The following CTNNA2 variants were observed in gnomAD, a reference collection of about 807,000 sequenced individuals.
CTNNA2 encodes the protein catenin alpha-2.
Under a neutral mutation model 101.0 loss-of-function variants are expected in CTNNA2, and 42 were observed. The ratio of observed to expected loss-of-function variants is 0.42; its 90% CI spans 0.32 to 0.54. CTNNA2 has a LOEUF of 0.54. CTNNA2 is among the 20% of genes least tolerant of loss of function. CTNNA2 has a pLI of 0.14. For missense variants in CTNNA2, 871 were observed against 1,223.1 expected, an observed-to-expected ratio of 0.71 and a Z score of 4.29; for synonymous variants, 450 against 456.4, an observed-to-expected ratio of 0.99 and a Z score of 0.18.
At chr2:79,771,858 G>C (rs537469548) in intron 3 of CTNNA2, among the ~76,000 whole-genome samples, 4 of 152,092 alleles carry the variant, frequency 2.6e-5, no homozygotes, top group African/African-American at 9.7e-5. Flanking sequence ...TTCTCATTGC[G>C]ACTGTTTTGT....
chr2:79,384,025 T>C (rs1047284409), intron 4 of CTNNA2, among the ~76,000 whole-genome samples: 103 of 152,222 alleles, frequency 6.8e-4, no homozygotes, highest in African/African-American at 2.4e-3. Context: ...CGTAGAGAAA[T>C]TGGATGGTGC....
intron 3 of CTNNA2, among the ~76,000 whole-genome samples, chr2:79,328,448 A>G (rs767899709): frequency 9.9e-5 from 15 of 152,220 alleles, no homozygotes; most frequent in Non-Finnish European, 1.3e-4. Flanking sequence ...GTCTGGCTAG[A>G]CATATGAATT....
rs574716244 is a variant in CTNNA2, at chr2:79,813,687, G to A, written c.299-44326G>A. ...TCGGGTTATAATTTAAATCACAGGA[G>A]CAAATAGGACCCTCAGAAGAGAGTT... is the stretch of plus-strand genomic sequence containing the variant. On this transcript the variant is annotated intron_variant, in intron 3 of 18. Transcript: ENST00000402739. Among the ~76,000 whole-genome samples, 10 of 152,230 alleles carry A rather than the reference G, an allele frequency of 6.6e-5. No homozygotes were observed. In the East Asian group the frequency reaches 1.9e-3, roughly 29 times the overall value.
chr2:79,715,205 CAAAAAAAAAAA>C (rs140432724), intron 2 of CTNNA2, among the ~76,000 whole-genome samples: 3 of 66,336 alleles, frequency 4.5e-5, no homozygotes, highest in East Asian at 4.2e-4. Context: ...AAAATTCCGT[CAAAAAAAAAAA>C]AAAAAAAAAA....
chr2:80,303,463 C>T lies in CTNNA2; in HGVS notation c.1057-89748C>T. On this transcript the variant is annotated intron_variant, in intron 7 of 18. Transcript: ENST00000402739. This position sits in a 1 kb window ranked among gnomAD's most constrained non-coding sequence, Gnocchi z 7.7. ...GTTGGGTGATCTGGTTGGAACTCAG[C>T]GTGAGTTCCTTAACTCGGCGCAGTT... 2 of 1,614,226 alleles carry T rather than the reference C, an allele frequency of 1.2e-6. No individual in the cohort carries two copies. Among genetic ancestry groups the T allele is most frequent in the Non-Finnish European group, 1.7e-6 (2 of 1,180,052 alleles).
chr2:80,092,903 A>T lies in CTNNA2; in HGVS notation c.1056+183106A>T, dbSNP rs545002718. Among the ~76,000 whole-genome samples, 185 of 152,276 alleles carry T rather than the reference A, an allele frequency of 1.2e-3. 1 individual carries two copies. Among genetic ancestry groups the T allele is most frequent in the Middle Eastern group, 6.8e-3 (2 of 294 alleles). On this transcript the variant is annotated intron_variant, in intron 7 of 18. Coordinates refer to ENST00000402739, the MANE Select transcript of CTNNA2 (RefSeq NM_001282597.3). ...GTAAAACTCAAATCTTCATTTAATT[A>T]TACATGCATATTTTATAAACAATTT...
Position 80,647,804 on chromosome 2 carries a change from G to T in CTNNA2, c.2794G>T (p.Gly932Cys). ...PEEFQTRVRR[G>C]SQKKHISPVQ... Reference sequence around the variant, plus strand: ...AGAATTCCAGACACGAGTTCGACGAGGTTCTCAGAAGAAACACATTTCGCC... The same window carrying T: ...AGAATTCCAGACACGAGTTCGACGATGTTCTCAGAAGAAACACATTTCGCC... Residue 932 changes from glycine (G) to cysteine (C), a missense_variant, in exon 19 of 19, where the codon GGT becomes TGT. Coordinates refer to ENST00000402739, the MANE Select transcript of CTNNA2 (RefSeq NM_001282597.3). 6.2e-7 allele frequency: 1 copy of T among 1,613,580 alleles called. No homozygotes were observed. The highest frequency in any genetic ancestry group is 8.5e-7 in the Non-Finnish European group (1 of 1,179,602).
intron 2 of CTNNA2, among the ~76,000 whole-genome samples, chr2:79,221,606 T>A (rs1384058079): frequency 6.7e-6 from 1 of 150,274 alleles, no homozygotes; most frequent in Non-Finnish European, 1.5e-5. Flanking sequence ...CTTGGCAAAT[T>A]TTTTTTTTTT....
intron 7 of CTNNA2, among the ~76,000 whole-genome samples, chr2:80,335,661 T>A (rs1671711132): frequency 6.6e-6 from 1 of 152,146 alleles, no homozygotes; most frequent in Non-Finnish European, 1.5e-5. Context: ...CTGGGAGAGA[T>A]GACACAATCA....
chr2:79,392,962 C>G (rs1457280216), intron 4 of CTNNA2, among the ~76,000 whole-genome samples: 1 of 152,140 alleles, frequency 6.6e-6, no homozygotes, highest in Non-Finnish European at 1.5e-5. Context: ...TCTTTATCAC[C>G]TCTGTAAATG....
At chr2:79,340,640 T>C (rs546601169) in intron 3 of CTNNA2, among the ~76,000 whole-genome samples, 39 of 152,148 alleles carry the variant, frequency 2.6e-4, no homozygotes, top group Admixed American at 1.8e-3. Flanking sequence ...GAGACCGTCC[T>C]GGCTAACACG....
chr2:80,633,365 A>G (rs533866885), intron 18 of CTNNA2, among the ~76,000 whole-genome samples: 2 of 152,200 alleles, frequency 1.3e-5, no homozygotes, highest in Non-Finnish European at 2.9e-5. Context: ...AAAGTGGAAG[A>G]TGATGTTCCC....
intron 7 of CTNNA2, among the ~76,000 whole-genome samples, chr2:80,327,478 G>A (rs1670917355): frequency 6.6e-6 from 1 of 152,098 alleles, no homozygotes; most frequent in South Asian, 2.1e-4. Context: ...ACTAGACAGA[G>A]GCTAAAGTGT....
At chr2:79,420,518 A>G (rs928337152) in intron 4 of CTNNA2, among the ~76,000 whole-genome samples, 2 of 152,220 alleles carry the variant, frequency 1.3e-5, no homozygotes, top group African/African-American at 4.8e-5. Flanking sequence ...TCTGTGGTAC[A>G]GTTAACAAAC....
At chr2:80,468,657 C>A (rs1685054632) in intron 9 of CTNNA2, among the ~76,000 whole-genome samples, 1 of 152,132 alleles carries the variant, frequency 6.6e-6, no homozygotes, top group Admixed American at 6.5e-5. Flanking sequence ...ACCTTGTGAT[C>A]CACCCACCCT....
chr2:79,768,795 C>T (rs975059822), intron 3 of CTNNA2, among the ~76,000 whole-genome samples: 5 of 152,082 alleles, frequency 3.3e-5, no homozygotes, highest in African/African-American at 9.7e-5. Flanking sequence ...TCTCTCATAC[C>T]GTGTAGCCAG....
intron 9 of CTNNA2, among the ~76,000 whole-genome samples, chr2:80,447,540 C>T (rs939892474): frequency 3.3e-5 from 5 of 152,178 alleles, no homozygotes; most frequent in African/African-American, 1.2e-4. Context: ...GTCCTGTATG[C>T]ACAGATGCTC....
chr2:80,093,753 CA>C (rs1699948249), intron 7 of CTNNA2, among the ~76,000 whole-genome samples: 1 of 152,060 alleles, frequency 6.6e-6, no homozygotes, highest in African/African-American at 2.4e-5. Flanking sequence ...CCCTGATGGC[CA>C]GTGATGATGA....
chr2:79,477,086 C>A (rs774763440), intron 4 of CTNNA2, among the ~76,000 whole-genome samples: 15 of 152,100 alleles, frequency 9.9e-5, no homozygotes, highest in African/African-American at 3.6e-4. Flanking sequence ...TCTATCATCT[C>A]CTTGACAGAG....
Sources: gnomAD v4.1 joint callset for allele counts (sites outside exome capture counted in the v4.1 genomes callset) on GRCh38, gnomAD v4.1.1 for gene constraint, Gnocchi (gnomAD v3.1) non-coding constraint, MANE v1.5 for transcripts, NCBI Gene and HGNC (gene_info 2026-07-23, HGNC 2026-07-21) for gene names.